LRP6: variants seen among roughly 807,000 people sequenced by gnomAD.
LRP6 encodes low-density lipoprotein receptor-related protein 6.
In LRP6, 43 loss-of-function variants were observed where a neutral mutation model predicts 184.1. That is an observed-to-expected ratio of 0.23 (90% confidence interval 0.18 to 0.30). LRP6 has a LOEUF of 0.30. LRP6 is among the 10% of genes least tolerant of loss of function. The pLI is 1.00. For synonymous variants in LRP6, 719 were observed against 684.9 expected (o/e 1.05, Z -0.78); for missense variants, 1,571 against 2,005.3 (o/e 0.78, Z 4.14).
chr12:12,267,019 T>C lies in LRP6; in HGVS notation c.-284A>G, dbSNP rs1406429608. 1.5e-5 allele frequency: 7 copies of C among 466,198 alleles called. No homozygotes were observed. Among genetic ancestry groups the C allele is most frequent in the Middle Eastern group, 5.7e-4 (1 of 1,762 alleles). The allele number at this position is 466,198 out of a possible 1,614,324, so 28.9% of individuals were successfully genotyped here. ...CCCGCGCAGCTCCTCATTCAGCCTC[T>C]GCCTCGCGCAGCGGCGCAGGGATAC... On this transcript the variant is annotated 5_prime_UTR_variant, in exon 1 of 23. Coordinates refer to ENST00000261349, the MANE Select transcript of LRP6 (RefSeq NM_002336.3).
chr12:12,223,522 C>G (rs949399926), intron 2 of LRP6, among the ~76,000 whole-genome samples: 1 of 152,174 alleles, frequency 6.6e-6, no homozygotes, highest in African/African-American at 2.4e-5. Context: ...TCTTGAGGGT[C>G]ATTCAACAAT....
intron 1 of LRP6, among the ~76,000 whole-genome samples, chr12:12,259,667 C>T (rs1865564090): frequency 1.3e-5 from 2 of 152,154 alleles, no homozygotes; most frequent in African/African-American, 2.4e-5. Flanking sequence ...ACCAAATAAC[C>T]TTGTTTCCTT....
intron 7 of LRP6, among the ~76,000 whole-genome samples, chr12:12,176,286 T>C (rs1565603633): frequency 1.3e-5 from 2 of 152,178 alleles, no homozygotes; most frequent in African/African-American, 4.8e-5. Context: ...TTCAGCATAA[T>C]GAAGAAGAGA....
At chr12:12,255,995 A>C (rs544998258) in intron 1 of LRP6, among the ~76,000 whole-genome samples, 13 of 152,312 alleles carry the variant, frequency 8.5e-5, no homozygotes, top group South Asian at 6.2e-4. Context: ...AACCACAAGA[A>C]GGCCCAGGTA....
intron 22 of LRP6, 63 bp downstream of exon 22, chr12:12,124,502 G>A: frequency 8.5e-7 from 1 of 1,176,266 alleles, no homozygotes. Flanking sequence ...GGCTATATCA[G>A]GTCCACAACT....
At chr12:12,135,653 C>A (rs1446719450) in intron 16 of LRP6, among the ~76,000 whole-genome samples, 1 of 151,592 alleles carries the variant, frequency 6.6e-6, no homozygotes, top group East Asian at 1.9e-4. Flanking sequence ...GCCGCCATGC[C>A]TGGCCAATTT....
At chr12:12,136,921 T>C (rs1041652969) in intron 16 of LRP6, among the ~76,000 whole-genome samples, 1 of 152,182 alleles carries the variant, frequency 6.6e-6, no homozygotes. Flanking sequence ...CTGAAAATCT[T>C]GAGATTTTCT....
At chr12:12,168,400 T>C (rs1308467656) in intron 7 of LRP6, among the ~76,000 whole-genome samples, 1 of 152,090 alleles carries the variant, frequency 6.6e-6, no homozygotes, top group South Asian at 2.1e-4. Flanking sequence ...AAAAAAGAAA[T>C]GAGTTAAGAC....
intron 2 of LRP6, among the ~76,000 whole-genome samples, chr12:12,204,011 A>G (rs1284036936): frequency 1.3e-5 from 2 of 152,214 alleles, no homozygotes; most frequent in African/African-American, 4.8e-5. Flanking sequence ...GAAGAAAGTG[A>G]TAACTTTAGA....
intron 7 of LRP6, among the ~76,000 whole-genome samples, chr12:12,174,256 C>G (rs907281202): frequency 4.6e-5 from 7 of 152,084 alleles, no homozygotes; most frequent in African/African-American, 1.7e-4. Context: ...GGATTACAGG[C>G]GCATGCCACC....
intron 15 of LRP6, among the ~76,000 whole-genome samples, chr12:12,145,572 CCTGAGATCTGAAGAT>C (rs1344457854): frequency 2.4e-5 from 3 of 124,038 alleles, no homozygotes; most frequent in Non-Finnish European, 4.9e-5. Flanking sequence ...TGTTGAAGAA[CCTGAGATCTGAAGAT>C]CTGAGATCTG....
chr12:12,224,449 C>T (rs935633728), intron 2 of LRP6, among the ~76,000 whole-genome samples: 3 of 151,864 alleles, frequency 2.0e-5, no homozygotes, highest in African/African-American at 7.3e-5. Context: ...CTCTAGGAGA[C>T]TCATTTCAGA....
At chr12:12,145,774 G>A (rs561990178) in intron 15 of LRP6, among the ~76,000 whole-genome samples, 1 of 151,708 alleles carries the variant, frequency 6.6e-6, no homozygotes, top group Admixed American at 6.6e-5. Context: ...TGAGATTACA[G>A]GTGCCCACCA....
chr12:12,211,346 G>A (rs1344818202), intron 2 of LRP6, among the ~76,000 whole-genome samples: 1 of 152,180 alleles, frequency 6.6e-6, no homozygotes, highest in East Asian at 1.9e-4. Context: ...GGAGGCTGAG[G>A]CAGGAGAATC....
intron 19 of LRP6, among the ~76,000 whole-genome samples, 184 bp downstream of exon 19, chr12:12,130,596 TAAG>T (rs1411139199): frequency 6.6e-6 from 1 of 152,202 alleles, no homozygotes; most frequent in Non-Finnish European, 1.5e-5. Flanking sequence ...TTTCTGTGCA[TAAG>T]AAAACTGCTA....
At chr12:12,126,419 C>T (rs1483602772) in intron 20 of LRP6, among the ~76,000 whole-genome samples, 16 of 152,144 alleles carry the variant, frequency 1.1e-4, no homozygotes, top group Admixed American at 9.8e-4. Context: ...ATTCACCTTC[C>T]GTAGCATGCA....
chr12:12,138,790 A>G (rs1186464301), intron 15 of LRP6: 2 of 1,310,832 alleles, frequency 1.5e-6, no homozygotes, highest in Middle Eastern at 2.6e-4. Context: ...TGTAGAAAAG[A>G]ACTTAGAACA....
chr12:12,262,100 C>T (rs984707976), intron 1 of LRP6, among the ~76,000 whole-genome samples: 23 of 151,960 alleles, frequency 1.5e-4, no homozygotes, highest in African/African-American at 5.3e-4. Flanking sequence ...AAAATTAGGC[C>T]GGGCACAGTG....
At chr12:12,264,219 A>G (rs1305358738) in intron 1 of LRP6, among the ~76,000 whole-genome samples, 3 of 152,206 alleles carry the variant, frequency 2.0e-5, no homozygotes, top group Non-Finnish European at 4.4e-5. Flanking sequence ...GTCCCTGAAC[A>G]AGCAAAAATT....
Sources: allele counts gnomAD v4.1 joint callset (sites outside exome capture counted in the v4.1 genomes callset), GRCh38; gene constraint gnomAD v4.1.1; transcripts MANE v1.5; gene names NCBI Gene and HGNC (gene_info 2026-07-23, HGNC 2026-07-21).